RFX3: variants seen among roughly 807,000 people sequenced by gnomAD.
RFX3 encodes transcription factor RFX3.
In RFX3, 14 loss-of-function variants were observed where a neutral mutation model predicts 98.6. The observed-to-expected ratio is 0.14, with a 90% CI of 0.09 to 0.22. RFX3 has a LOEUF of 0.22. Ranked by LOEUF, RFX3 falls within the 10% of genes least tolerant of loss-of-function variation. The pLI is 1.00. For synonymous variants in RFX3, 383 were observed against 328.4 expected (o/e 1.17, Z -1.80); for missense variants, 639 against 926.9 (o/e 0.69, Z 4.03).
At chr9:3,344,983 G>A in intron 3 of RFX3, 1 of 603,924 alleles carries the variant, frequency 1.7e-6, no homozygotes. Flanking sequence ...ACTTTATTAT[G>A]TGCCAATCAC....
At chr9:3,498,389 G>T (rs1205684397) in intron 1 of RFX3, among the ~76,000 whole-genome samples, 1 of 151,908 alleles carries the variant, frequency 6.6e-6, no homozygotes, top group Non-Finnish European at 1.5e-5. Context: ...ATAATCATCA[G>T]TTTTATATGA....
At chr9:3,518,552 A>G (rs1024841024) in intron 1 of RFX3, among the ~76,000 whole-genome samples, 8 of 152,244 alleles carry the variant, frequency 5.3e-5, no homozygotes, top group African/African-American at 9.6e-5. Flanking sequence ...ACTGAAATAT[A>G]TAAGTCAAAT....
intron 13 of RFX3, among the ~76,000 whole-genome samples, chr9:3,257,988 T>C (rs1277041239): frequency 1.3e-5 from 2 of 152,198 alleles, no homozygotes; most frequent in Admixed American, 6.5e-5. Context: ...AGTACTGTGA[T>C]GTTTCCAGTG....
At chr9:3,494,941 T>C (rs879284487) in intron 1 of RFX3, among the ~76,000 whole-genome samples, 8 of 151,962 alleles carry the variant, frequency 5.3e-5, no homozygotes, top group Non-Finnish European at 1.2e-4. Flanking sequence ...AAGATTTTGG[T>C]GTTAAAAGGC....
intron 10 of RFX3, 89 bp downstream of exon 10, chr9:3,270,914 G>A: frequency 1.3e-6 from 2 of 1,572,430 alleles, no homozygotes; most frequent in Non-Finnish European, 1.7e-6. Context: ...CATCAGGTAA[G>A]GTTCACAACT....
At chr9:3,350,463 G>A (rs1423097725) in intron 2 of RFX3, among the ~76,000 whole-genome samples, 1 of 152,134 alleles carries the variant, frequency 6.6e-6, no homozygotes, top group East Asian at 1.9e-4. Context: ...ATTCATTGTT[G>A]GGAGGGATGG....
chr9:3,291,202 T>C (rs1827282173), intron 6 of RFX3, among the ~76,000 whole-genome samples: 1 of 151,836 alleles, frequency 6.6e-6, no homozygotes, highest in African/African-American at 2.4e-5. Flanking sequence ...CCATCTCTAC[T>C]AAAAACACAA....
At chr9:3,467,362 G>A (rs554749221) in intron 1 of RFX3, among the ~76,000 whole-genome samples, 1 of 149,448 alleles carries the variant, frequency 6.7e-6, no homozygotes, top group African/African-American at 2.5e-5. Flanking sequence ...GTCTATCACT[G>A]AGCCAAGGCT....
chr9:3,489,470 A>G (rs1035542664), intron 1 of RFX3: 1 of 970,018 alleles, frequency 1.0e-6, no homozygotes, highest in Non-Finnish European at 1.2e-6. Flanking sequence ...TAACAAAACT[A>G]TTATTGAGTA....
At chr9:3,488,223 TTC>T (rs1347419441) in intron 1 of RFX3, among the ~76,000 whole-genome samples, 1 of 152,166 alleles carries the variant, frequency 6.6e-6, no homozygotes, top group Non-Finnish European at 1.5e-5. Flanking sequence ...TCTCTACTGC[TTC>T]TCTCAGATAA....
At chr9:3,419,481 G>A (rs1166520315) in intron 1 of RFX3, among the ~76,000 whole-genome samples, 1 of 152,118 alleles carries the variant, frequency 6.6e-6, no homozygotes, top group African/African-American at 2.4e-5. Flanking sequence ...TTTTGACACT[G>A]AGGCAAACCC....
At chr9:3,355,743 T>C (rs1450547614) in intron 2 of RFX3, among the ~76,000 whole-genome samples, 1 of 151,910 alleles carries the variant, frequency 6.6e-6, no homozygotes, top group Non-Finnish European at 1.5e-5. Flanking sequence ...CATGCTCTGA[T>C]GCACATGAAC....
At chr9:3,346,427 A>G (rs1245529911) in intron 3 of RFX3, among the ~76,000 whole-genome samples, 1 of 152,216 alleles carries the variant, frequency 6.6e-6, no homozygotes, top group East Asian at 1.9e-4. Context: ...AAGAACTATT[A>G]AAGGGCATAA....
chr9:3,269,497 T>C (rs1824092736), intron 11 of RFX3, among the ~76,000 whole-genome samples: 1 of 152,158 alleles, frequency 6.6e-6, no homozygotes, highest in Non-Finnish European at 1.5e-5. Flanking sequence ...GAGTAGTAAC[T>C]GTCTCATTTC....
intron 15 of RFX3, among the ~76,000 whole-genome samples, chr9:3,238,747 T>G (rs748350932): frequency 6.6e-6 from 1 of 152,148 alleles, no homozygotes; most frequent in Non-Finnish European, 1.5e-5. Flanking sequence ...ATAAAAGTGA[T>G]CAGTCCGAGG....
chr9:3,300,142 C>A (rs1314254828), intron 5 of RFX3, among the ~76,000 whole-genome samples: 1 of 151,404 alleles, frequency 6.6e-6, no homozygotes. Context: ...AGGAAATCAG[C>A]CTTTAATGCA....
At chr9:3,375,467 T>C (rs1220279802) in intron 2 of RFX3, among the ~76,000 whole-genome samples, 2 of 152,244 alleles carry the variant, frequency 1.3e-5, no homozygotes, top group Admixed American at 6.5e-5. Context: ...GGTTTCTCAA[T>C]ACAAGCTGAT....
At chr9:3,267,532 T>C (rs1823804160) in intron 11 of RFX3, among the ~76,000 whole-genome samples, 1 of 151,924 alleles carries the variant, frequency 6.6e-6, no homozygotes, top group Non-Finnish European at 1.5e-5. Context: ...CAACTAAATG[T>C]GTTTTTAAGA....
intron 1 of RFX3, chr9:3,420,857 C>T (rs1843380882): frequency 1.0e-6 from 1 of 984,896 alleles, no homozygotes; most frequent in Non-Finnish European, 1.2e-6. Flanking sequence ...CATTTAAATC[C>T]CTTAGATCCT....
Sources: gnomAD v4.1 joint callset for allele counts (sites outside exome capture counted in the v4.1 genomes callset) on GRCh38, gnomAD v4.1.1 for gene constraint, MANE v1.5 for transcripts, NCBI Gene and HGNC (gene_info 2026-07-23, HGNC 2026-07-21) for gene names.